The following UMAD1 variants were observed in gnomAD, a reference collection of about 807,000 sequenced individuals.
UMAD1 encodes UBAP1-MVB12-associated (UMA)-domain containing protein 1.
A neutral mutation model predicts 6.1 loss-of-function variants in UMAD1; 8 were observed. The ratio of observed to expected loss-of-function variants is 1.30; its 90% CI spans 0.76 to 2.35. The LOEUF is 2.35. Ranked by LOEUF, UMAD1 falls within the 30% of genes most tolerant of loss-of-function variation. The probability of loss-of-function intolerance (pLI) is 0.00; values close to 1 mark genes in which losing one functional copy is unlikely to be tolerated. For missense variants in UMAD1, 130 were observed against 78.4 expected (o/e 1.66, Z -2.49); for synonymous variants, 56 against 31.4 (o/e 1.78, Z -2.61).
intron 2 of UMAD1, among the ~76,000 whole-genome samples, chr7:7,773,371 A>G (rs1168197336): frequency 6.6e-6 from 1 of 152,230 alleles, no homozygotes; most frequent in Non-Finnish European, 1.5e-5. Flanking sequence ...GAGTTAGTCA[A>G]ATAATAATGA....
At chr7:7,820,390 C>G (rs1325845345) in intron 3 of UMAD1, among the ~76,000 whole-genome samples, 1 of 152,124 alleles carries the variant, frequency 6.6e-6, no homozygotes, top group East Asian at 1.9e-4. Flanking sequence ...TTTTTGGTTT[C>G]TACATGCATT....
intron 3 of UMAD1, among the ~76,000 whole-genome samples, chr7:7,869,946 G>A (rs1784305432): frequency 1.3e-5 from 2 of 152,180 alleles, no homozygotes; most frequent in Admixed American, 1.3e-4. Flanking sequence ...TATTCTTGGA[G>A]TGTGTTTTTT....
At chr7:7,654,987 C>T (rs1030344250) in intron 1 of UMAD1, among the ~76,000 whole-genome samples, 2 of 151,840 alleles carry the variant, frequency 1.3e-5, no homozygotes, top group Non-Finnish European at 2.9e-5. Flanking sequence ...AGTAGGATTG[C>T]AGGACCTATG....
At chr7:7,666,429 A>C (rs1163578955) in intron 1 of UMAD1, among the ~76,000 whole-genome samples, 5 of 152,040 alleles carry the variant, frequency 3.3e-5, no homozygotes. Flanking sequence ...GCTGGTCATG[A>C]GCTCCTGGCC....
intron 2 of UMAD1, among the ~76,000 whole-genome samples, chr7:7,733,531 A>G (rs1392752314): frequency 1.3e-5 from 2 of 150,024 alleles, no homozygotes; most frequent in African/African-American, 2.5e-5. Context: ...ATATGATGAC[A>G]TGAAATGAGT....
intron 1 of UMAD1, among the ~76,000 whole-genome samples, chr7:7,653,901 C>G (rs1455784334): frequency 3.9e-5 from 6 of 152,290 alleles, no homozygotes; most frequent in African/African-American, 1.4e-4. Flanking sequence ...GTGCTAAGGA[C>G]AGCCTCCCAC....
At chr7:7,710,306 G>T (rs924634212) in intron 2 of UMAD1, among the ~76,000 whole-genome samples, 1 of 151,922 alleles carries the variant, frequency 6.6e-6, no homozygotes, top group African/African-American at 2.4e-5. Context: ...TGCAAAAATT[G>T]CCCAAAATGA....
intron 3 of UMAD1, among the ~76,000 whole-genome samples, chr7:7,843,320 C>T (rs1783718799): frequency 6.6e-6 from 1 of 152,138 alleles, no homozygotes; most frequent in Non-Finnish European, 1.5e-5. Context: ...GAATCAGTTG[C>T]TCATTGGGTG....
At chr7:7,754,046 G>C (rs571482497) in intron 2 of UMAD1, among the ~76,000 whole-genome samples, 32 of 152,204 alleles carry the variant, frequency 2.1e-4, no homozygotes, top group African/African-American at 7.7e-4. Context: ...TTAGCTGAGC[G>C]TGGTGGCGGG....
chr7:7,699,052 G>T (rs1038733140), intron 2 of UMAD1, among the ~76,000 whole-genome samples: 67 of 65,052 alleles, frequency 1.0e-3, no homozygotes, highest in Admixed American at 2.9e-3. Flanking sequence ...GTGTGTGTGG[G>T]GGGGGGGTAG....
At chr7:7,695,572 T>C (rs1463588909) in intron 2 of UMAD1, among the ~76,000 whole-genome samples, 1 of 152,188 alleles carries the variant, frequency 6.6e-6, no homozygotes, top group Non-Finnish European at 1.5e-5. Context: ...CTTTTCATGT[T>C]CTTTGGCACT....
chr7:7,691,658 C>T (rs1780175009), intron 2 of UMAD1, among the ~76,000 whole-genome samples: 1 of 152,160 alleles, frequency 6.6e-6, no homozygotes, highest in African/African-American at 2.4e-5. Flanking sequence ...ATTTTTATCT[C>T]TAAAGTTTTC....
At chr7:7,657,709 C>G (rs1785376423) in intron 1 of UMAD1, among the ~76,000 whole-genome samples, 1 of 152,240 alleles carries the variant, frequency 6.6e-6, no homozygotes, top group Middle Eastern at 3.4e-3. Context: ...GTTTTGGTTA[C>G]TGTAGTCTTG....
chr7:7,746,188 A>G (rs1781570979), intron 2 of UMAD1, among the ~76,000 whole-genome samples: 1 of 152,188 alleles, frequency 6.6e-6, no homozygotes, highest in Non-Finnish European at 1.5e-5. Context: ...TCTTTGGTGC[A>G]CTGTGTGTGG....
intron 3 of UMAD1, among the ~76,000 whole-genome samples, chr7:7,821,336 T>C (rs1017426162): frequency 6.6e-6 from 1 of 152,232 alleles, no homozygotes; most frequent in African/African-American, 2.4e-5. Context: ...TTGTAAAATA[T>C]CTGAATATTT....
intron 1 of UMAD1, among the ~76,000 whole-genome samples, chr7:7,651,874 C>T (rs1052922819): frequency 2.0e-5 from 3 of 152,160 alleles, no homozygotes; most frequent in Non-Finnish European, 2.9e-5. Context: ...TTCTTCTGCT[C>T]AGAGTTTTTC....
intron 3 of UMAD1, among the ~76,000 whole-genome samples, 190 bp from the exon 4 acceptor site, chr7:7,877,091 G>T (rs1036157579): frequency 1.3e-5 from 2 of 152,168 alleles, no homozygotes; most frequent in African/African-American, 4.8e-5. Context: ...TAAAGTTTAG[G>T]ATTCATTTTA....
intron 2 of UMAD1, among the ~76,000 whole-genome samples, chr7:7,674,399 C>A (rs80045764): frequency 7.0e-4 from 107 of 152,242 alleles, no homozygotes; most frequent in African/African-American, 2.6e-3. Flanking sequence ...CTCTGTGAGA[C>A]CAGAATAGAG....
intron 2 of UMAD1, among the ~76,000 whole-genome samples, chr7:7,677,295 T>G (rs1779765493): frequency 6.6e-6 from 1 of 152,170 alleles, no homozygotes; most frequent in African/African-American, 2.4e-5. Flanking sequence ...TACAATAAAT[T>G]ATTGTTAACT....
Sources: gnomAD v4.1 joint callset for allele counts (sites outside exome capture counted in the v4.1 genomes callset) on GRCh38, gnomAD v4.1.1 for gene constraint, MANE v1.5 for transcripts, NCBI Gene and HGNC (gene_info 2026-07-23, HGNC 2026-07-21) for gene names.